ZRANB1: variants seen among roughly 807,000 people sequenced by gnomAD.
ZRANB1 encodes the protein ubiquitin thioesterase ZRANB1.
A neutral mutation model predicts 80.5 loss-of-function variants in ZRANB1; 16 were observed. The ratio of observed to expected loss-of-function variants is 0.20; its 90% confidence interval spans 0.13 to 0.30. ZRANB1 has a LOEUF of 0.30. Ranked by LOEUF, ZRANB1 falls within the 10% of genes least tolerant of loss-of-function variation. ZRANB1 has a pLI of 1.00. For missense variants in ZRANB1, 576 were observed against 862.6 expected, an observed-to-expected ratio of 0.67 and a Z score of 4.16; for synonymous variants, 291 against 293.1, an observed-to-expected ratio of 0.99 and a Z score of 0.07.
the ZRANB1 span, among the ~76,000 whole-genome samples, chr10:124,919,921 C>CCT: frequency 1.9e-3 from 115 of 61,992 alleles, no homozygotes; most frequent in African/African-American, 5.3e-3. Flanking sequence ...CCCCCCCCCC[C>CCT]TTTTTTTTTT....
intron 2 of ZRANB1, among the ~76,000 whole-genome samples, 199 bp downstream of exon 2, chr10:124,966,980 A>G (rs572971186): frequency 6.6e-6 from 1 of 152,340 alleles, no homozygotes; most frequent in East Asian, 1.9e-4. Context: ...AGTCACAACA[A>G]TGTTTGACTC....
the ZRANB1 span, among the ~76,000 whole-genome samples, chr10:124,933,066 A>G: frequency 6.6e-6 from 1 of 151,028 alleles, no homozygotes; most frequent in Non-Finnish European, 1.5e-5. Context: ...TTCTCTTGAC[A>G]GTGTCTTTCA....
intron 1 of ZRANB1, chr10:124,945,162 A>G (rs1564955792): frequency 2.0e-5 from 3 of 152,232 alleles, no homozygotes; most frequent in Non-Finnish European, 4.4e-5. Flanking sequence ...CACATTGTGT[A>G]ACCACTACCT....
chr10:124,984,646 A>G (rs564759183), intron 8 of ZRANB1, 128 bp from the exon 9 acceptor site: 116 of 891,848 alleles, frequency 1.3e-4, no homozygotes, highest in Non-Finnish European at 2.5e-5. Context: ...GGTCAAAACC[A>G]TGTGAAAAGT....
At chr10:124,977,269 C>A (rs570574840) in intron 5 of ZRANB1, among the ~76,000 whole-genome samples, 12 of 150,080 alleles carry the variant, frequency 8.0e-5, no homozygotes, top group Admixed American at 6.6e-4. Context: ...TACTACTGCA[C>A]CTGGCCTTTT....
In ZRANB1 at chr10:124,986,288, C is replaced by CGT. The variant is rs1952038522; in HGVS notation, c.*1297_*1298insTG. 1 of 16,026 alleles carries CGT rather than the reference C, an allele frequency of 6.2e-5. No homozygotes were observed. Among genetic ancestry groups the CGT allele is most frequent in the South Asian group, 3.2e-3 (1 of 310 alleles). 1.0% of individuals were successfully genotyped at this position (16,026 alleles called of 1,614,324 possible). ...GAAAGACGACACACGCACGCGCGCG[C>CGT]GCGCACACACACACACACACACACA... On this transcript the variant is annotated 3_prime_UTR_variant, in exon 9 of 9. Transcript: ENST00000359653.
At chr10:124,965,509 A>G (rs1249084511) in intron 1 of ZRANB1, among the ~76,000 whole-genome samples, 3 of 152,246 alleles carry the variant, frequency 2.0e-5, no homozygotes, top group Non-Finnish European at 4.4e-5. Flanking sequence ...TACTAATGGT[A>G]GAAAATTGTT....
chr10:124,968,655 G>C (rs1951796101), intron 2 of ZRANB1, among the ~76,000 whole-genome samples: 1 of 152,172 alleles, frequency 6.6e-6, no homozygotes, highest in Admixed American at 6.5e-5. Flanking sequence ...GGCTGTCAAT[G>C]TGGAGTTGTA....
the ZRANB1 span, among the ~76,000 whole-genome samples, chr10:124,927,210 C>A: frequency 2.0e-5 from 3 of 152,336 alleles, no homozygotes; most frequent in South Asian, 6.2e-4. Flanking sequence ...CCGCCTCGGC[C>A]TCCCAAAGTG....
chr10:124,963,366 G>A lies in ZRANB1; in HGVS notation c.815-3228G>A, dbSNP rs1951749662. On this transcript the variant is annotated intron_variant, in intron 1 of 8. Coordinates refer to ENST00000359653, the MANE Select transcript of ZRANB1 (RefSeq NM_017580.3). ...TGTATATGTTGATTATCTTCTCTTGGAACTTTTCATTTTTTCCTGGCCTTT... is the reference window on the plus strand; with the variant it reads ...TGTATATGTTGATTATCTTCTCTTGAAACTTTTCATTTTTTCCTGGCCTTT... 2.6e-5 allele frequency among the ~76,000 whole-genome samples: 4 copies of A among 151,346 alleles called. 1 individual carries two copies. In the South Asian group the frequency reaches 8.4e-4, roughly 32 times the overall value.
chr10:124,933,198 G>A, the ZRANB1 span, among the ~76,000 whole-genome samples: 19 of 132,310 alleles, frequency 1.4e-4, no homozygotes, highest in South Asian at 2.8e-4. Context: ...GAGCAATGGC[G>A]CGATCTCGGC....
chr10:124,973,470 T>C (rs1951845310), intron 3 of ZRANB1, among the ~76,000 whole-genome samples, 175 bp from the exon 4 acceptor site: 1 of 152,196 alleles, frequency 6.6e-6, no homozygotes, highest in Non-Finnish European at 1.5e-5. Flanking sequence ...AAAAGAAATA[T>C]TTTATATCAC....
At chr10:124,960,287 C>A (rs996539578) in intron 1 of ZRANB1, among the ~76,000 whole-genome samples, 1 of 152,162 alleles carries the variant, frequency 6.6e-6, no homozygotes, top group Non-Finnish European at 1.5e-5. Flanking sequence ...GACTGGGTTA[C>A]TTTTGAACAT....
chr10:124,973,619 C>G, intron 3 of ZRANB1, 26 bp from the exon 4 acceptor site: 3 of 1,592,632 alleles, frequency 1.9e-6, no homozygotes, highest in Non-Finnish European at 2.6e-6. Flanking sequence ...AACAAAAGAT[C>G]TTTTAAGTTT....
At position 124,985,228 on chromosome 10, in the gene ZRANB1, G is replaced by A. The variant is rs922504582; in HGVS notation, c.*236G>A. The A allele has an allele frequency of 2.3e-6, 1 of 428,900 alleles. No homozygotes were observed. The highest frequency in any genetic ancestry group is 4.1e-6 in the Non-Finnish European group (1 of 242,150). The allele number at this position is 428,900 out of a possible 1,614,324, so 26.6% of individuals were successfully genotyped here. On this transcript the variant is annotated 3_prime_UTR_variant, in exon 9 of 9. Coordinates refer to ENST00000359653, the MANE Select transcript of ZRANB1 (RefSeq NM_017580.3). ...AAAAAAAACTAATTTTATTAAGACAGAACTTTTTTTCCTTCCAAATTGTAA... is the reference window on the plus strand; with the variant it reads ...AAAAAAAACTAATTTTATTAAGACAAAACTTTTTTTCCTTCCAAATTGTAA...
rs1012876217 is a variant in ZRANB1 at position 124,987,216 on chromosome 10, G to T, written c.*2224G>T. 3 of 152,510 alleles carry T rather than the reference G, an allele frequency of 2.0e-5. No individual in the cohort carries two copies. Among genetic ancestry groups the T allele is most frequent in the African/African-American group, 7.2e-5 (3 of 41,392 alleles). 9.4% of individuals were successfully genotyped at this position (152,510 alleles called of 1,614,324 possible). A position where few individuals can be genotyped will look rare whatever the true frequency, so the allele number is the denominator to read the frequency against. ...AGATAGAATATAGTCCTTTTTCAAA[G>T]ATGATTATACGTGGCTAGGTGACAG... is the stretch of plus-strand genomic sequence containing the variant. On this transcript the variant is annotated 3_prime_UTR_variant, in exon 9 of 9. Coordinates refer to ENST00000359653, the MANE Select transcript of ZRANB1 (RefSeq NM_017580.3).
In ZRANB1 at chr10:124,972,007, C is replaced by A; in HGVS notation, c.1045C>A (p.Pro349Thr). ...AAAGTGTATTCCAGCAATGGTGTGT[C>A]CTGAACTGACAGAACAAATCCGGAG... ...AAKCIPAMVC[P>T]ELTEQIRREI... Residue 349 changes from proline to threonine, a missense_variant, in exon 3 of 9, where the codon CCT becomes ACT. Around this residue, in one of 3 missense-constraint regions of ZRANB1, gnomAD observed 411 missense variants for 583.1 expected, o/e 0.70. Transcript: ENST00000359653. 6.2e-7 allele frequency: 1 copy of A among 1,613,612 alleles called. No homozygotes were observed. The highest frequency in any genetic ancestry group is 8.5e-7 in the Non-Finnish European group (1 of 1,179,772).
chr10:124,931,017 CCT>C, the ZRANB1 span, among the ~76,000 whole-genome samples: 9 of 152,024 alleles, frequency 5.9e-5, no homozygotes, highest in Non-Finnish European at 1.3e-4. Context: ...AGAGTAAGAC[CCT>C]CTCTGTTAAA....
At position 124,986,133 on chromosome 10, in the gene ZRANB1, A is replaced by AT. The variant is rs367785110; in HGVS notation, c.*1141_*1142insT. 4 of 152,604 alleles carry AT rather than the reference A, an allele frequency of 2.6e-5. No individual in the cohort carries two copies. Among genetic ancestry groups the AT allele is most frequent in the African/African-American group, 9.7e-5 (4 of 41,438 alleles). The allele number at this position is 152,604 out of a possible 1,614,324, so 9.5% of individuals were successfully genotyped here. ...TCTTAGGTAGAAAAACTTTTTTATA[A>AT]GAAGTATTATTTGACCACTTCAGGT... On this transcript the variant is annotated 3_prime_UTR_variant, in exon 9 of 9. Transcript: ENST00000359653.
Sources: gnomAD v4.1 joint callset for allele counts (sites outside exome capture counted in the v4.1 genomes callset) on GRCh38, gnomAD v4.1.1 for gene constraint, gnomAD v4.1.1 regional missense constraint, MANE v1.5 for transcripts, NCBI Gene and HGNC (gene_info 2026-07-23, HGNC 2026-07-21) for gene names.